KCND2: variants seen among roughly 807,000 people sequenced by gnomAD.
The protein encoded by KCND2 is A-type voltage-gated potassium channel KCND2.
Under a neutral mutation model 54.4 loss-of-function variants are expected in KCND2, and 16 were observed. The ratio of observed to expected loss-of-function variants is 0.29; its 90% CI spans 0.20 to 0.45. The LOEUF is 0.45. Among genes scored for constraint, KCND2 ranks in the 20% least tolerant of loss-of-function variants. The pLI is 1.00. For synonymous variants in KCND2, 317 were observed against 310.7 expected, an observed-to-expected ratio of 1.02 and a Z score of -0.21; for missense variants, 486 against 824.2, an observed-to-expected ratio of 0.59 and a Z score of 5.02.
chr7:120,489,477 T>A (rs1802744757), intron 1 of KCND2, among the ~76,000 whole-genome samples: 1 of 152,204 alleles, frequency 6.6e-6, no homozygotes, highest in Non-Finnish European at 1.5e-5. Context: ...ATAAAAGTCA[T>A]CATAATATGC....
At chr7:120,349,323 CACAA>C (rs1193926666) in intron 1 of KCND2, among the ~76,000 whole-genome samples, 1 of 72,530 alleles carries the variant, frequency 1.4e-5, no homozygotes, top group Non-Finnish European at 3.3e-5. Context: ...CACACACACA[CACAA>C]ACACACACAC....
At chr7:120,686,470 G>T in intron 1 of KCND2, among the ~76,000 whole-genome samples, 1 of 152,128 alleles carries the variant, frequency 6.6e-6, no homozygotes. Context: ...CTCAGTTCTT[G>T]CCTCCTCAGA....
intron 1 of KCND2, among the ~76,000 whole-genome samples, chr7:120,678,592 CAT>C (rs535548132): frequency 1.4e-5 from 2 of 147,352 alleles, no homozygotes; most frequent in African/African-American, 4.9e-5. Flanking sequence ...TCATTACACA[CAT>C]ATATATACAC....
At chr7:120,625,681 C>T (rs975493396) in intron 1 of KCND2, among the ~76,000 whole-genome samples, 1 of 152,040 alleles carries the variant, frequency 6.6e-6, no homozygotes, top group Admixed American at 6.6e-5. Context: ...AAGGTACATA[C>T]ATAAATGTAT....
At chr7:120,599,938 T>TA (rs1259654080) in intron 1 of KCND2, among the ~76,000 whole-genome samples, 1 of 152,042 alleles carries the variant, frequency 6.6e-6, no homozygotes, top group East Asian at 1.9e-4. Flanking sequence ...TTCTTGTAGA[T>TA]ATTCTTTTTC....
At chr7:120,453,856 G>T (rs1802155318) in intron 1 of KCND2, among the ~76,000 whole-genome samples, 1 of 152,194 alleles carries the variant, frequency 6.6e-6, no homozygotes, top group African/African-American at 2.4e-5. Flanking sequence ...GGAGGCCAAG[G>T]TGGGCGGATC....
chr7:120,278,772 G>T (rs1051561933), intron 1 of KCND2, among the ~76,000 whole-genome samples: 4 of 151,462 alleles, frequency 2.6e-5, no homozygotes, highest in Non-Finnish European at 5.9e-5. Flanking sequence ...TCAGAAAAAT[G>T]AACGCTTTAA....
At chr7:120,528,970 A>G (rs530569488) in intron 1 of KCND2, among the ~76,000 whole-genome samples, 39 of 152,336 alleles carry the variant, frequency 2.6e-4, no homozygotes, top group Non-Finnish European at 4.6e-4. Flanking sequence ...TAAAAGCTGG[A>G]AAAGTATATC....
At chr7:120,289,075 CACAGAG>C (rs1348117493) in intron 1 of KCND2, among the ~76,000 whole-genome samples, 405 of 23,126 alleles carry the variant, frequency 0.018, no homozygotes, top group Middle Eastern at 0.071. Flanking sequence ...CACACACACA[CACAGAG>C]AGAGAGAGAG....
chr7:120,595,481 G>A (rs867890679), intron 1 of KCND2, among the ~76,000 whole-genome samples: 1 of 106,380 alleles, frequency 9.4e-6, no homozygotes, highest in African/African-American at 5.2e-5. Context: ...ATATATATAT[G>A]TGTATATATA....
At chr7:120,453,073 G>A (rs1682081782) in intron 1 of KCND2, among the ~76,000 whole-genome samples, 1 of 152,148 alleles carries the variant, frequency 6.6e-6, no homozygotes, top group Admixed American at 6.5e-5. Flanking sequence ...CCTTGACAGT[G>A]TGTGCCAGTC....
chr7:120,429,594 C>T (rs1473054947), intron 1 of KCND2, among the ~76,000 whole-genome samples: 18 of 152,106 alleles, frequency 1.2e-4, no homozygotes, highest in Admixed American at 6.5e-4. Context: ...GAGTTGAACT[C>T]GTCAGTTTTT....
chr7:120,594,122 G>A lies in KCND2; in HGVS notation c.1116-138781G>A, dbSNP rs1311625498. On this transcript the variant is annotated intron_variant, in intron 1 of 5. Coordinates refer to ENST00000331113, the MANE Select transcript of KCND2 (RefSeq NM_012281.3). ...ATTTCCAAACCTCATTGAACATCAGGATCATCTGATAAACTCTTTTCAAAA... is the reference window on the plus strand; with the variant it reads ...ATTTCCAAACCTCATTGAACATCAGAATCATCTGATAAACTCTTTTCAAAA... Among the ~76,000 whole-genome samples the A allele has an allele frequency of 3.9e-5, 6 of 152,122 alleles. No homozygotes were observed. The East Asian group carries it at 1.2e-3, about 29-fold the overall frequency.
intron 1 of KCND2, among the ~76,000 whole-genome samples, chr7:120,437,025 C>T (rs952848630): frequency 2.0e-5 from 3 of 152,076 alleles, no homozygotes; most frequent in African/African-American, 7.2e-5. Context: ...CATTTTCTTC[C>T]TCTTCTCAGC....
Position 120,502,567 on chromosome 7 carries a change from A to G in KCND2, c.1115+226820A>G, listed in dbSNP as rs1802952295. 2.0e-5 allele frequency among the ~76,000 whole-genome samples: 3 copies of G among 152,052 alleles called. No individual in the cohort carries two copies. In the Admixed American group the frequency reaches 2.0e-4, roughly 10 times the overall value. ...GCAACATCCAGGAACTCAGCAATAC[A>G]TTTCCAGCTTTGGTGTGCAGTGTCT... is the stretch of plus-strand genomic sequence containing the variant. On this transcript the variant is annotated intron_variant, in intron 1 of 5. Transcript: ENST00000331113.
At chr7:120,664,961 A>T (rs1277372374) in intron 1 of KCND2, among the ~76,000 whole-genome samples, 1 of 152,096 alleles carries the variant, frequency 6.6e-6, no homozygotes, top group East Asian at 1.9e-4. Flanking sequence ...ATCTTCAGAG[A>T]TATAGCATAT....
intron 1 of KCND2, among the ~76,000 whole-genome samples, chr7:120,439,188 G>A (rs992633441): frequency 6.6e-6 from 1 of 151,926 alleles, no homozygotes; most frequent in African/African-American, 2.4e-5. Context: ...TATGTTCCCT[G>A]TAAGAAATTA....
intron 1 of KCND2, among the ~76,000 whole-genome samples, chr7:120,378,926 G>C (rs1178267958): frequency 6.6e-6 from 1 of 151,844 alleles, no homozygotes; most frequent in African/African-American, 2.4e-5. Flanking sequence ...ATCTATGCTG[G>C]AAATTTATAT....
intron 1 of KCND2, among the ~76,000 whole-genome samples, chr7:120,438,431 G>T (rs146232471): frequency 6.6e-6 from 1 of 152,164 alleles, no homozygotes; most frequent in Admixed American, 6.6e-5. Context: ...GCCAATTTGA[G>T]TAATATTTTC....
Sources: gnomAD v4.1 joint callset for allele counts (sites outside exome capture counted in the v4.1 genomes callset) on GRCh38, gnomAD v4.1.1 for gene constraint, MANE v1.5 for transcripts, NCBI Gene and HGNC (gene_info 2026-07-23, HGNC 2026-07-21) for gene names.